The following GPRIN3 variants were observed in gnomAD, a reference collection of about 807,000 sequenced individuals.
The protein encoded by GPRIN3 is G protein-regulated inducer of neurite outgrowth 3.
A neutral mutation model predicts 13.7 loss-of-function variants in GPRIN3; 12 were observed. The ratio of observed to expected loss-of-function variants is 0.87; its 90% CI spans 0.56 to 1.42. GPRIN3 has a LOEUF of 1.42. Ranked by LOEUF, GPRIN3 falls within the 40% of genes most tolerant of loss-of-function variation. The pLI is 0.00. For synonymous variants in GPRIN3, 377 were observed against 372.7 expected, an observed-to-expected ratio of 1.01 and a Z score of -0.13; for missense variants, 1,009 against 958.7, an observed-to-expected ratio of 1.05 and a Z score of -0.69.
intron 1 of GPRIN3, among the ~76,000 whole-genome samples, chr4:89,257,100 G>A (rs1053297213): frequency 3.9e-5 from 6 of 152,160 alleles, no homozygotes; most frequent in Admixed American, 3.3e-4. Flanking sequence ...AAATTGTTTT[G>A]TCCCTTCAGA....
chr4:89,261,928 A>C (rs1024233465), intron 1 of GPRIN3, among the ~76,000 whole-genome samples: 8 of 151,960 alleles, frequency 5.3e-5, no homozygotes, highest in African/African-American at 1.7e-4. Flanking sequence ...CCTGGGCAAC[A>C]TGGTGAAACC....
rs774430773 is a variant in GPRIN3 at position 89,248,526 on chromosome 4, G to T, written c.1585C>A (p.Pro529Thr). The T allele has an allele frequency of 1.2e-6, 2 of 1,613,332 alleles. No homozygotes were observed. The highest frequency in any genetic ancestry group is 1.7e-6 in the Non-Finnish European group (2 of 1,179,450). The change falls in exon 2 of 2, where the codon CCC becomes ACC. Residue 529 changes from proline to threonine, a missense_variant. Transcript: ENST00000609438. ...SKADHSGSLD[P>T]TNKGDAREKK... ...TCCCTTGCATCTCCTTTATTAGTGGGATCCAAGCTCCCAGAATGATCAGCT... is the reference window on the plus strand; with the variant it reads ...TCCCTTGCATCTCCTTTATTAGTGGTATCCAAGCTCCCAGAATGATCAGCT...
intron 1 of GPRIN3, among the ~76,000 whole-genome samples, chr4:89,267,494 C>A (rs971595910): frequency 6.6e-6 from 1 of 152,150 alleles, no homozygotes; most frequent in Non-Finnish European, 1.5e-5. Context: ...ATAGTACTAA[C>A]CAGCTTTAGA....
chr4:89,248,212 G>C lies in GPRIN3; in HGVS notation c.1899C>G (p.Arg633=), dbSNP rs373345735. The C allele has an allele frequency of 1.2e-6, 2 of 1,614,206 alleles. No individual in the cohort carries two copies. The highest frequency in any genetic ancestry group is 1.7e-6 in the Non-Finnish European group (2 of 1,180,026). Residue 633 remains arginine (R), a synonymous_variant, in exon 2 of 2, where the codon CGC becomes CGG. Coordinates refer to ENST00000609438, the MANE Select transcript of GPRIN3 (RefSeq NM_198281.3). ...TPSRSVKASP[R]RPSRVSEFLK... is the part of the protein sequence containing the mutation. The stretch of plus-strand genomic sequence containing the variant: ...GGAACTCGCTGACGCGGCTGGGCCT[G>C]CGTGGGCTGGCTTTGACGGAGCGAG...
chr4:89,291,325 C>T (rs1343716621), intron 1 of GPRIN3, among the ~76,000 whole-genome samples: 1 of 152,124 alleles, frequency 6.6e-6, no homozygotes, highest in Non-Finnish European at 1.5e-5. Flanking sequence ...AGAAATTTCC[C>T]TTCATGACAC....
chr4:89,296,178 G>A (rs1324714621), intron 1 of GPRIN3, among the ~76,000 whole-genome samples: 1 of 152,028 alleles, frequency 6.6e-6, no homozygotes, highest in Non-Finnish European at 1.5e-5. Context: ...AATGACATGA[G>A]GTGGTAAAGA....
intron 1 of GPRIN3, among the ~76,000 whole-genome samples, chr4:89,295,739 G>C (rs1724714016): frequency 6.6e-6 from 1 of 152,158 alleles, no homozygotes; most frequent in African/African-American, 2.4e-5. Flanking sequence ...AGGACCTGAG[G>C]TGCTGTGGGC....
chr4:89,240,110 A>C lies in GPRIN3; in HGVS notation c.*7670T>G, dbSNP rs1722884917. ...TTGAGAAAAAATGAGATAAATTCGA[A>C]CAATATCAATTAACTGGTTGGAATT... On this transcript the variant is annotated 3_prime_UTR_variant, in exon 2 of 2. Transcript: ENST00000609438. The C allele has an allele frequency of 6.6e-6, 1 of 152,226 alleles. No homozygotes were observed. The highest frequency in any genetic ancestry group is 1.5e-5 in the Non-Finnish European group (1 of 68,030). The allele number at this position is 152,226 out of a possible 1,614,324, so 9.4% of individuals were successfully genotyped here.
At chr4:89,302,836 T>A (rs996300231) in intron 1 of GPRIN3, among the ~76,000 whole-genome samples, 19 of 152,134 alleles carry the variant, frequency 1.2e-4, no homozygotes, top group Admixed American at 3.3e-4. Context: ...CTGATATGGA[T>A]AAGAAAGAGG....
At chr4:89,271,559 G>A (rs1356127120) in intron 1 of GPRIN3, among the ~76,000 whole-genome samples, 1 of 141,916 alleles carries the variant, frequency 7.0e-6, no homozygotes, top group East Asian at 2.1e-4. Context: ...TTGTTATATG[G>A]TATTTTAAAA....
chr4:89,248,336 G>A lies in GPRIN3; in HGVS notation c.1775C>T (p.Thr592Ile). The change falls in exon 2 of 2, where the codon ACC becomes ATC. Residue 592 changes from threonine (T) to isoleucine (I), a missense_variant. Transcript: ENST00000609438. Reference sequence around the variant, plus strand: ...CTTGGTCTGTCTGTTTTCTTCTAAGGTGCTCTCCTGGTTCTTCCTAATTGG... The same window carrying A: ...CTTGGTCTGTCTGTTTTCTTCTAAGATGCTCTCCTGGTTCTTCCTAATTGG... ...PSPIRKNQESTLEENRQTKTA... is the reference protein window; with the variant it reads ...PSPIRKNQESILEENRQTKTA... 2.5e-6 allele frequency: 4 copies of A among 1,614,128 alleles called. No homozygotes were observed. The highest frequency in any genetic ancestry group is 2.5e-6 in the Non-Finnish European group (3 of 1,180,018).
intron 1 of GPRIN3, among the ~76,000 whole-genome samples, chr4:89,281,149 G>C (rs773184807): frequency 6.6e-6 from 1 of 151,358 alleles, no homozygotes; most frequent in Non-Finnish European, 1.5e-5. Context: ...TTTAGATAGA[G>C]TCTCGCTCTT....
chr4:89,270,943 C>T (rs1395067832), intron 1 of GPRIN3, among the ~76,000 whole-genome samples: 2 of 152,056 alleles, frequency 1.3e-5, no homozygotes, highest in African/African-American at 4.8e-5. Flanking sequence ...ATTTCATAGG[C>T]TACAATGCTC....
intron 1 of GPRIN3, among the ~76,000 whole-genome samples, chr4:89,270,553 TA>T (rs1478976604): frequency 1.8e-5 from 2 of 112,184 alleles, no homozygotes; most frequent in Non-Finnish European, 3.4e-5. Context: ...TATATTTATA[TA>T]TGTATATAAT....
intron 1 of GPRIN3, among the ~76,000 whole-genome samples, chr4:89,269,639 C>T (rs570921729): frequency 1.2e-4 from 18 of 152,206 alleles, no homozygotes; most frequent in African/African-American, 4.1e-4. Context: ...TTAAGATACC[C>T]ATTATTTTGA....
chr4:89,294,901 T>C lies in GPRIN3; in HGVS notation c.-124+12714A>G, dbSNP rs559203148. On this transcript the variant is annotated intron_variant, in intron 1 of 1. Coordinates refer to ENST00000609438, the MANE Select transcript of GPRIN3 (RefSeq NM_198281.3). ...TTAACAAAGTTTCTCAAGGACAAATTCCCAAGGAAAAATAATCATATACTT... is the reference window on the plus strand; with the variant it reads ...TTAACAAAGTTTCTCAAGGACAAATCCCCAAGGAAAAATAATCATATACTT... 6.6e-5 allele frequency among the ~76,000 whole-genome samples: 10 copies of C among 152,316 alleles called. 1 individual carries two copies. The South Asian group carries it at 1.0e-3, about 16-fold the overall frequency.
chr4:89,248,294 CTCAGGCTGGTGGCTGTCTTGG>C lies in GPRIN3; in HGVS notation c.1796_1816del (p.Thr599_Leu605del). ...GTCACCCATGGGATCAGATGGCAGG[CTCAGGCTGGTGGCTGTCTTGG>C]TCTGTCTGTTTTCTTCTAAGGTGCT... is the stretch of plus-strand genomic sequence containing the variant. On this transcript the variant is annotated inframe_deletion, in exon 2 of 2. Coordinates refer to ENST00000609438, the MANE Select transcript of GPRIN3 (RefSeq NM_198281.3). The C allele has an allele frequency of 1.2e-6, 2 of 1,614,154 alleles. No homozygotes were observed. Among genetic ancestry groups the C allele is most frequent in the Non-Finnish European group, 1.7e-6 (2 of 1,180,028 alleles).
chr4:89,280,289 T>G (rs903376381), intron 1 of GPRIN3, among the ~76,000 whole-genome samples: 3 of 152,206 alleles, frequency 2.0e-5, no homozygotes, highest in Non-Finnish European at 2.9e-5. Flanking sequence ...GATCTGTACC[T>G]TCTTCAATTC....
intron 1 of GPRIN3, among the ~76,000 whole-genome samples, chr4:89,271,324 A>C (rs1257858932): frequency 6.6e-6 from 1 of 152,158 alleles, no homozygotes; most frequent in Non-Finnish European, 1.5e-5. Context: ...GCTTATTGAC[A>C]TGGTACCATG....
Sources: allele counts gnomAD v4.1 joint callset (sites outside exome capture counted in the v4.1 genomes callset), GRCh38; gene constraint gnomAD v4.1.1; transcripts MANE v1.5; gene names NCBI Gene and HGNC (gene_info 2026-07-23, HGNC 2026-07-21).